The following DOCK3 variants were observed in gnomAD, a reference collection of about 807,000 sequenced individuals.
DOCK3 encodes dedicator of cytokinesis 3, also known as dedicator of cytokinesis protein 3.
A neutral mutation model predicts 265.6 loss-of-function variants in DOCK3; 60 were observed. The observed-to-expected ratio is 0.23, with a 90% CI of 0.18 to 0.28. DOCK3 has a LOEUF of 0.28. DOCK3 is among the 10% of genes least tolerant of loss of function. The pLI, the probability that DOCK3 is intolerant of heterozygous loss-of-function variation, is 1.00. For missense variants in DOCK3, 1,981 were observed against 2,594.3 expected (o/e 0.76, Z 5.14); for synonymous variants, 881 against 938.0 (o/e 0.94, Z 1.11).
chr3:51,178,962 C>G lies in DOCK3; in HGVS notation c.1037+18260C>G, dbSNP rs9846454. On this transcript the variant is annotated intron_variant, in intron 12 of 52. Coordinates refer to ENST00000266037, the MANE Select transcript of DOCK3 (RefSeq NM_004947.5). ...AAGGCACAGAGTGGGGAGGAACGTG[C>G]CTAAGCAGCCTGGTTAATAGACCAT... Among the ~76,000 whole-genome samples the G allele has an allele frequency of 3.7e-3, 566 of 152,244 alleles. 4 individuals carry two copies. Among genetic ancestry groups the G allele is most frequent in the African/African-American group, 0.013 (543 of 41,552 alleles).
intron 5 of DOCK3, among the ~76,000 whole-genome samples, chr3:51,004,254 C>T (rs1016306251): frequency 3.3e-5 from 5 of 152,114 alleles, no homozygotes; most frequent in South Asian, 4.1e-4. Flanking sequence ...CCAGCTACCA[C>T]GTTGTGAGGC....
chr3:50,929,671 T>C (rs2050953938), intron 4 of DOCK3, among the ~76,000 whole-genome samples: 1 of 152,174 alleles, frequency 6.6e-6, no homozygotes, highest in Admixed American at 6.5e-5. Context: ...CGCTGAGATA[T>C]TTATTTTATT....
chr3:50,695,139 T>C (rs1246538416), intron 1 of DOCK3, among the ~76,000 whole-genome samples: 1 of 152,368 alleles, frequency 6.6e-6, no homozygotes, highest in Non-Finnish European at 1.5e-5. Flanking sequence ...GAGCCCCCAA[T>C]CACATGCACT....
Position 50,690,004 on chromosome 3 carries a change from T to C in DOCK3, c.37+14704T>C, listed in dbSNP as rs78587505. Among the ~76,000 whole-genome samples the C allele has an allele frequency of 3.6e-3, 554 of 152,360 alleles. 6 individuals carry two copies. The highest frequency in any genetic ancestry group is 0.013 in the African/African-American group (524 of 41,578). ...TCCAATTTATCTGTTTTTTTTCTTT[T>C]GTTTGTACTTGTGGTGTCATGCTAC... On this transcript the variant is annotated intron_variant, in intron 1 of 52. Coordinates refer to ENST00000266037, the MANE Select transcript of DOCK3 (RefSeq NM_004947.5).
chr3:50,755,718 G>A (rs1018296399), intron 1 of DOCK3, among the ~76,000 whole-genome samples: 1 of 152,064 alleles, frequency 6.6e-6, no homozygotes, highest in African/African-American at 2.4e-5. Context: ...CTGTGTCCAT[G>A]TATTTGCCTA....
intron 5 of DOCK3, among the ~76,000 whole-genome samples, chr3:51,052,238 G>C (rs2081019635): frequency 6.6e-6 from 1 of 152,150 alleles, no homozygotes; most frequent in Admixed American, 6.5e-5. Context: ...GGGTGCAGTG[G>C]CTCATGCCCG....
intron 4 of DOCK3, chr3:50,898,472 A>G (rs190732094): frequency 4.0e-5 from 6 of 151,752 alleles, no homozygotes; most frequent in Admixed American, 3.9e-4. Context: ...TTGTGTCTCT[A>G]TTTCCTTCAG....
chr3:51,251,874 C>G (rs542800763), intron 22 of DOCK3, among the ~76,000 whole-genome samples: 2 of 152,186 alleles, frequency 1.3e-5, no homozygotes, highest in Non-Finnish European at 2.9e-5. Flanking sequence ...AATTAGATCC[C>G]ATTGGTCAAT....
intron 1 of DOCK3, among the ~76,000 whole-genome samples, chr3:50,775,559 G>A (rs568874082): frequency 3.3e-5 from 5 of 151,960 alleles, no homozygotes; most frequent in East Asian, 3.9e-4. Context: ...CTTGATTTAC[G>A]GTAGTGGAAG....
At chr3:51,032,402 T>C (rs1643365028) in intron 5 of DOCK3, among the ~76,000 whole-genome samples, 1 of 152,316 alleles carries the variant, frequency 6.6e-6, no homozygotes, top group South Asian at 2.1e-4. Flanking sequence ...ATAGACTATA[T>C]TGCACACATT....
intron 9 of DOCK3, among the ~76,000 whole-genome samples, chr3:51,115,347 T>G (rs899014606): frequency 6.6e-6 from 1 of 152,226 alleles, no homozygotes; most frequent in Admixed American, 6.5e-5. Context: ...CTAACTGGCA[T>G]GAGATGGTAT....
intron 1 of DOCK3, among the ~76,000 whole-genome samples, chr3:50,728,675 G>A (rs938069801): frequency 1.3e-5 from 2 of 151,878 alleles, no homozygotes; most frequent in East Asian, 3.9e-4. Context: ...GTTGAACAAA[G>A]TTGACACAGG....
chr3:51,138,515 T>C (rs1291565935), intron 9 of DOCK3, among the ~76,000 whole-genome samples: 2 of 152,182 alleles, frequency 1.3e-5, no homozygotes, highest in Non-Finnish European at 2.9e-5. Context: ...CTTAAGGGCT[T>C]CCTTTCATTA....
At chr3:51,239,590 G>GT (rs1199714094) in intron 21 of DOCK3, among the ~76,000 whole-genome samples, 17 of 123,922 alleles carry the variant, frequency 1.4e-4, no homozygotes, top group African/African-American at 2.6e-4. Flanking sequence ...TGTTTTTTTT[G>GT]TTTTTTTTTA....
At chr3:51,344,955 A>G (rs1045852604) in intron 38 of DOCK3, among the ~76,000 whole-genome samples, 1 of 152,248 alleles carries the variant, frequency 6.6e-6, no homozygotes, top group Non-Finnish European at 1.5e-5. Context: ...CCGGCAAGAT[A>G]GATGAGCATT....
intron 5 of DOCK3, among the ~76,000 whole-genome samples, chr3:51,049,063 A>T (rs759511988): frequency 7.2e-5 from 11 of 152,246 alleles, no homozygotes; most frequent in Non-Finnish European, 1.6e-4. Flanking sequence ...GCTGTGGCTC[A>T]CGCCTGTAAT....
intron 7 of DOCK3, among the ~76,000 whole-genome samples, chr3:51,086,976 G>A (rs1187277193): frequency 6.6e-6 from 1 of 152,152 alleles, no homozygotes. Context: ...GATCAAATCA[G>A]TAATAAAAAG....
chr3:51,347,313 G>A (rs529740731), intron 38 of DOCK3, among the ~76,000 whole-genome samples: 1 of 152,240 alleles, frequency 6.6e-6, no homozygotes, highest in East Asian at 1.9e-4. Flanking sequence ...ATTAATTTTT[G>A]TACGAGGTGT....
intron 1 of DOCK3, among the ~76,000 whole-genome samples, chr3:50,701,046 T>C (rs2036002755): frequency 6.6e-6 from 1 of 152,198 alleles, no homozygotes; most frequent in South Asian, 2.1e-4. Flanking sequence ...TGGTTAGTGA[T>C]GTTGAGCATT....
Sources: gnomAD v4.1 joint callset for allele counts (sites outside exome capture counted in the v4.1 genomes callset) on GRCh38, gnomAD v4.1.1 for gene constraint, MANE v1.5 for transcripts, NCBI Gene and HGNC (gene_info 2026-07-23, HGNC 2026-07-21) for gene names.